Variants in PPP2R2C observed in about 807,000 individuals in gnomAD.
The protein encoded by PPP2R2C is protein phosphatase 2, regulatory subunit B, gamma.
In PPP2R2C, 10 loss-of-function variants were observed where a neutral mutation model predicts 45.3. The ratio of observed to expected loss-of-function variants is 0.22; its 90% confidence interval spans 0.14 to 0.37. The LOEUF is 0.37. PPP2R2C is among the 10% of genes least tolerant of loss of function. PPP2R2C has a pLI of 1.00. For missense variants in PPP2R2C, 308 were observed against 619.7 expected, an observed-to-expected ratio of 0.50 and a Z score of 5.34; for synonymous variants, 257 against 245.4, an observed-to-expected ratio of 1.05 and a Z score of -0.44.
chr4:6,385,889 T>C (rs1488240576), intron 1 of PPP2R2C, among the ~76,000 whole-genome samples: 5 of 152,114 alleles, frequency 3.3e-5, no homozygotes, highest in Admixed American at 6.6e-5. Flanking sequence ...CTTAAGGCCA[T>C]TGTGTGCTCT....
At chr4:6,409,123 A>G (rs891375488) in intron 1 of PPP2R2C, among the ~76,000 whole-genome samples, 1 of 152,208 alleles carries the variant, frequency 6.6e-6, no homozygotes, top group African/African-American at 2.4e-5. Flanking sequence ...AGCATTGTGC[A>G]GCACCCATTG....
intron 2 of PPP2R2C, among the ~76,000 whole-genome samples, chr4:6,503,416 C>A (rs991984177): frequency 2.0e-5 from 3 of 152,238 alleles, no homozygotes; most frequent in African/African-American, 7.2e-5. Flanking sequence ...GTTGCCTCCC[C>A]TCCCATCACT....
intron 5 of PPP2R2C, among the ~76,000 whole-genome samples, chr4:6,367,490 A>G (rs1577113980): frequency 6.6e-6 from 1 of 152,226 alleles, no homozygotes; most frequent in East Asian, 1.9e-4. Context: ...ACTCATCAGA[A>G]CTGTCACCCT....
chr4:6,418,208 C>T (rs1352184508), intron 1 of PPP2R2C, among the ~76,000 whole-genome samples: 1 of 152,128 alleles, frequency 6.6e-6, no homozygotes, highest in Non-Finnish European at 1.5e-5. Context: ...GTGGTCTTGA[C>T]TAAAACGTGG....
rs759180867 is a variant in PPP2R2C, at chr4:6,375,813, G to A, written c.447+6C>T. ...GTGTGCCTGCTTCCCCCTCACCGGA[G>A]CTCACCTGCAGTGACGTCACCGTGG... On this transcript the variant is annotated splice_donor_region_variant and intron_variant, in intron 4 of 8. Coordinates refer to ENST00000382599, the MANE Select transcript of PPP2R2C (RefSeq NM_020416.4). 10 of 1,601,530 alleles carry A rather than the reference G, an allele frequency of 6.2e-6. No individual in the cohort carries two copies. Among genetic ancestry groups the A allele is most frequent in the Non-Finnish European group, 8.5e-6 (10 of 1,172,180 alleles).
chr4:6,395,153 C>T (rs1259375339), intron 1 of PPP2R2C, among the ~76,000 whole-genome samples: 3 of 152,086 alleles, frequency 2.0e-5, no homozygotes, highest in Non-Finnish European at 4.4e-5. Flanking sequence ...CGATGGCCCT[C>T]CCTAAAACCT....
intron 2 of PPP2R2C, among the ~76,000 whole-genome samples, chr4:6,513,459 G>C (rs1723735167): frequency 6.6e-6 from 1 of 152,150 alleles, no homozygotes; most frequent in Admixed American, 6.5e-5. Flanking sequence ...TGGAACAGGG[G>C]GTGAAGAGTG....
chr4:6,337,985 TCTA>T (rs1733117874), intron 6 of PPP2R2C, among the ~76,000 whole-genome samples: 1 of 151,968 alleles, frequency 6.6e-6, no homozygotes, highest in Admixed American at 6.6e-5. Flanking sequence ...GATAGTGGAA[TCTA>T]CTATTCCATA....
intron 1 of PPP2R2C, chr4:6,382,464 A>C: frequency 1.5e-6 from 2 of 1,351,996 alleles, no homozygotes; most frequent in Non-Finnish European, 2.0e-6. Context: ...CAAACTCCTG[A>C]GCCAGTGCAT....
chr4:6,413,003 T>C (rs11736549), intron 1 of PPP2R2C, among the ~76,000 whole-genome samples: 41,264 of 152,064 alleles, frequency 0.27, 5,984 homozygotes, highest in Admixed American at 0.39. Context: ...TGTTTATGAA[T>C]CACCCAGTCT....
chr4:6,373,977 A>T (rs1425429122), intron 4 of PPP2R2C, among the ~76,000 whole-genome samples: 1 of 151,574 alleles, frequency 6.6e-6, no homozygotes, highest in African/African-American at 2.4e-5. Context: ...TGGTTCTTGC[A>T]TTGTTGCCTC....
chr4:6,424,154 G>A (rs1577172067), intron 1 of PPP2R2C, among the ~76,000 whole-genome samples: 2 of 152,334 alleles, frequency 1.3e-5, no homozygotes, highest in African/African-American at 4.8e-5. Flanking sequence ...GGGAACCTCA[G>A]CCCCTGGAGC....
intron 1 of PPP2R2C, among the ~76,000 whole-genome samples, chr4:6,541,507 G>GACCAGACC (rs1309300882): frequency 6.6e-6 from 1 of 152,112 alleles, no homozygotes; most frequent in East Asian, 1.9e-4. Flanking sequence ...ACCCTGCCCT[G>GACCAGACC]ACCAGACCAG....
upstream of PPP2R2C, among the ~76,000 whole-genome samples, chr4:6,477,032 T>A (rs1476669262): frequency 6.6e-6 from 1 of 152,070 alleles, no homozygotes; most frequent in African/African-American, 2.4e-5. Context: ...GGCAGGCAGA[T>A]TGCTTGAGCC....
chr4:6,337,961 AT>A (rs1032510943), intron 6 of PPP2R2C, among the ~76,000 whole-genome samples: 1 of 151,920 alleles, frequency 6.6e-6, no homozygotes, highest in Non-Finnish European at 1.5e-5. Flanking sequence ...GATACAATAG[AT>A]TTTTTTCCAA....
Position 6,332,544 on chromosome 4 carries a change from G to A in PPP2R2C, c.960+1018C>T, listed in dbSNP as rs1455099877. ...TCTGAGCTCTGCACCAGTTCCCAGC[G>A]AGGCCTGCGCCACCCAGGACGCTTT... On this transcript the variant is annotated intron_variant, in intron 7 of 8. Transcript: ENST00000382599. This position sits in a 1 kb window ranked among gnomAD's most constrained non-coding sequence, Gnocchi z 4.9. Among the ~76,000 whole-genome samples, 1 of 152,168 alleles carries A rather than the reference G, an allele frequency of 6.6e-6. No individual in the cohort carries two copies. The highest frequency in any genetic ancestry group is 2.4e-5 in the African/African-American group (1 of 41,430).
chr4:6,472,409 G>T lies in PPP2R2C; in HGVS notation c.-180C>A. 1.2e-6 allele frequency: 1 copy of T among 841,370 alleles called. No homozygotes were observed. The highest frequency in any genetic ancestry group is 1.4e-6 in the Non-Finnish European group (1 of 700,722). The allele number at this position is 841,370 out of a possible 1,614,324, so 52.1% of individuals were successfully genotyped here. A position where few individuals can be genotyped will look rare whatever the true frequency, so the allele number is the denominator to read the frequency against. On this transcript the variant is annotated 5_prime_UTR_variant, in exon 1 of 9. Coordinates refer to ENST00000382599, the MANE Select transcript of PPP2R2C (RefSeq NM_020416.4). ...GCGGGGGCGGCCGGGGGCGGGCGCC[G>T]CGGTCAAGCGAGCGCGCGGTGGGCG... is the stretch of plus-strand genomic sequence containing the variant.
intron 1 of PPP2R2C, among the ~76,000 whole-genome samples, chr4:6,385,425 C>G (rs1716141952): frequency 6.6e-6 from 1 of 152,144 alleles, no homozygotes; most frequent in African/African-American, 2.4e-5. Flanking sequence ...TTGGCAGCCA[C>G]CTCTGTGAAG....
chr4:6,485,512 T>C (rs1433817192), intron 2 of PPP2R2C, among the ~76,000 whole-genome samples: 1 of 151,932 alleles, frequency 6.6e-6, no homozygotes, highest in African/African-American at 2.4e-5. Flanking sequence ...GTTTTCTTTG[T>C]GGAAAGGTTT....
Sources: gnomAD v4.1 joint callset for allele counts (sites outside exome capture counted in the v4.1 genomes callset) on GRCh38, gnomAD v4.1.1 for gene constraint, Gnocchi (gnomAD v3.1) non-coding constraint, MANE v1.5 for transcripts, NCBI Gene and HGNC (gene_info 2026-07-23, HGNC 2026-07-21) for gene names.